The following ARHGEF10L variants were observed in gnomAD, a reference collection of about 807,000 sequenced individuals.
ARHGEF10L encodes Rho guanine nucleotide exchange factor 10 like.
ARHGEF10L carries 69 observed loss-of-function variants against 141.2 expected under a neutral mutation model. The ratio of observed to expected loss-of-function variants is 0.49; its 90% confidence interval spans 0.40 to 0.60. ARHGEF10L has a LOEUF of 0.60. Among genes scored for constraint, ARHGEF10L ranks in the 20% least tolerant of loss-of-function variants. The probability of loss-of-function intolerance (pLI) is 0.00; values close to 1 mark genes in which losing one functional copy is unlikely to be tolerated. For synonymous variants in ARHGEF10L, 711 were observed against 718.5 expected, an observed-to-expected ratio of 0.99 and a Z score of 0.17; for missense variants, 1,482 against 1,734.3, an observed-to-expected ratio of 0.85 and a Z score of 2.58.
intron 1 of ARHGEF10L, among the ~76,000 whole-genome samples, chr1:17,570,553 C>T (rs2077953698): frequency 6.6e-6 from 1 of 151,772 alleles, no homozygotes; most frequent in South Asian, 2.1e-4. Context: ...GTTGTGGGGG[C>T]TCTGACACGT....
In ARHGEF10L at chr1:17,635,024, C is replaced by T. The variant is rs1312226361; in HGVS notation, c.1927+8C>T. 3 of 1,613,638 alleles carry T rather than the reference C, an allele frequency of 1.9e-6. No individual in the cohort carries two copies. In the African/African-American group the frequency reaches 4.0e-5, roughly 22 times the overall value. The stretch of plus-strand genomic sequence containing the variant: ...CCTCAGGGCAGGCTCAGAGTGAGTA[C>T]CCCCTCTCTGTGCCCTGCGTTCGTC... On this transcript the variant is annotated splice_region_variant and intron_variant, in intron 18 of 28. Coordinates refer to ENST00000361221, the MANE Select transcript of ARHGEF10L (RefSeq NM_018125.4).
Position 17,656,233 on chromosome 1 carries a change from G to A in ARHGEF10L, c.2705+131G>A. ...TCTGCCCCTGGTCTCCAGGAAGGTGGGCACCAGAGCTGCCCAGTGTGGGAG... is the reference window on the plus strand; with the variant it reads ...TCTGCCCCTGGTCTCCAGGAAGGTGAGCACCAGAGCTGCCCAGTGTGGGAG... On this transcript the variant is annotated intron_variant, in intron 24 of 28. Transcript: ENST00000361221. The surrounding 1 kb of genome is among the most constrained non-coding windows in gnomAD (Gnocchi z 4.9). 8.5e-7 allele frequency: 1 copy of A among 1,175,066 alleles called. No individual in the cohort carries two copies. The highest frequency in any genetic ancestry group is 1.2e-6 in the Non-Finnish European group (1 of 838,248). 72.8% of individuals were successfully genotyped at this position (1,175,066 alleles called of 1,614,324 possible).
intron 8 of ARHGEF10L, among the ~76,000 whole-genome samples, chr1:17,614,055 T>C (rs1296706415): frequency 2.0e-5 from 3 of 152,234 alleles, no homozygotes; most frequent in African/African-American, 7.2e-5. Context: ...AGTAGCTGCC[T>C]TTCTGCATCT....
rs1328109742 is a variant in ARHGEF10L, at chr1:17,634,999, C to T, written c.1910C>T (p.Ala637Val). 1.9e-6 allele frequency: 3 copies of T among 1,613,972 alleles called. No homozygotes were observed. Among genetic ancestry groups the T allele is most frequent in the African/African-American group, 2.7e-5 (2 of 74,918 alleles). Residue 637 changes from alanine to valine, a missense_variant, in exon 18 of 29, where the codon GCC (alanine) becomes GTC (valine). Physicochemically the swap from Ala to Val is moderately conservative, Grantham distance 64 (BLOSUM62 0). This residue lies in a region of ARHGEF10L where 858 missense variants were observed against 966.3 expected (regional missense o/e 0.89). Coordinates refer to ENST00000361221, the MANE Select transcript of ARHGEF10L (RefSeq NM_018125.4). Reference sequence around the variant, plus strand: ...CACTCAGGCGCCAAGAAGGCCTCTGCCTCAGGGCAGGCTCAGAGTGAGTAC... The same window carrying T: ...CACTCAGGCGCCAAGAAGGCCTCTGTCTCAGGGCAGGCTCAGAGTGAGTAC... ...IQHSGAKKASASGQAQNKVYL... is the reference protein window; with the variant it reads ...IQHSGAKKASVSGQAQNKVYL...
At position 17,625,505 on chromosome 1, in the gene ARHGEF10L, A is replaced by G. The variant is rs566273740; in HGVS notation, c.1318-451A>G. 6.6e-6 allele frequency among the ~76,000 whole-genome samples: 1 copy of G among 152,290 alleles called. No homozygotes were observed. The highest frequency in any genetic ancestry group is 1.9e-4 in the East Asian group (1 of 5,184). On this transcript the variant is annotated intron_variant, in intron 13 of 28. Transcript: ENST00000361221. This position sits in a 1 kb window ranked among gnomAD's most constrained non-coding sequence, Gnocchi z 4.5. ...GGTGGAGAAACTGTGGGATTGCAGC[A>G]TATGGGGGCCAGGACCAGGTAACAG...
chr1:17,640,078 A>C, intron 20 of ARHGEF10L, 124 bp from the exon 21 acceptor site: 1 of 1,483,526 alleles, frequency 6.7e-7, no homozygotes, highest in South Asian at 1.4e-5. Flanking sequence ...CGTTTTGGGG[A>C]TGCTCTGACC....
At chr1:17,595,004 C>T (rs1287739437) in intron 4 of ARHGEF10L, among the ~76,000 whole-genome samples, 1 of 152,262 alleles carries the variant, frequency 6.6e-6, no homozygotes. Flanking sequence ...CTCTTCAGTC[C>T]ATCCCTCCTC....
At chr1:17,533,431 A>AAATGCTGAG in the ARHGEF10L span, among the ~76,000 whole-genome samples, 9 of 152,064 alleles carry the variant, frequency 5.9e-5, no homozygotes, top group Admixed American at 3.3e-4. Context: ...TGCCCTCCCA[A>AAATGCTGAG]AATGCTGAGA....
chr1:17,687,555 C>T lies in ARHGEF10L; in HGVS notation c.3010-18C>T. ...GGCAGGCCCAGCCAGTATCGACACT[C>T]CTCCCTTTGTGCCACAGCAAAGCTT... On this transcript the variant is annotated intron_variant, in intron 26 of 28. Transcript: ENST00000361221. The T allele has an allele frequency of 1.2e-6, 2 of 1,612,302 alleles. No homozygotes were observed. Among genetic ancestry groups the T allele is most frequent in the Non-Finnish European group, 1.7e-6 (2 of 1,179,770 alleles).
intron 1 of ARHGEF10L, among the ~76,000 whole-genome samples, chr1:17,546,606 T>A (rs2076924303): frequency 6.6e-6 from 1 of 152,190 alleles, no homozygotes; most frequent in African/African-American, 2.4e-5. Context: ...TTTATGCGGT[T>A]TTCCTTTTCC....
At position 17,584,037 on chromosome 1, in the gene ARHGEF10L, AT is replaced by A. The variant is rs1251517507; in HGVS notation, c.37+3410del. 2.6e-5 allele frequency among the ~76,000 whole-genome samples: 4 copies of A among 151,814 alleles called. No individual in the cohort carries two copies. In the East Asian group the frequency reaches 7.8e-4, roughly 30 times the overall value. On this transcript the variant is annotated intron_variant, in intron 2 of 28. Coordinates refer to ENST00000361221, the MANE Select transcript of ARHGEF10L (RefSeq NM_018125.4). ...CAGCCGATTTTAAAATTATTAAAAA[AT>A]TTTTACTTTTGTTTATTTTTTTTTG...
chr1:17,572,404 C>T (rs547679155), intron 1 of ARHGEF10L, among the ~76,000 whole-genome samples: 1 of 152,300 alleles, frequency 6.6e-6, no homozygotes, highest in East Asian at 1.9e-4. Flanking sequence ...TTCCTGCTGT[C>T]CCTCTGTTGT....
chr1:17,648,868 T>G (rs1441017840), intron 22 of ARHGEF10L, among the ~76,000 whole-genome samples, 193 bp downstream of exon 22: 1 of 152,202 alleles, frequency 6.6e-6, no homozygotes, highest in Non-Finnish European at 1.5e-5. Flanking sequence ...ACCACAAAAA[T>G]GGAGGCGAAC....
chr1:17,570,540 G>T (rs1004786202), intron 1 of ARHGEF10L, among the ~76,000 whole-genome samples: 1 of 151,964 alleles, frequency 6.6e-6, no homozygotes, highest in Non-Finnish European at 1.5e-5. Flanking sequence ...TGAAGTCGGG[G>T]GGGTTGTGGG....
At chr1:17,557,033 TAAAAAAAAAA>T (rs370811589) in intron 1 of ARHGEF10L, among the ~76,000 whole-genome samples, 4 of 119,082 alleles carry the variant, frequency 3.4e-5, no homozygotes, top group Non-Finnish European at 5.3e-5. Context: ...CTCCATCTCT[TAAAAAAAAAA>T]AAAAAAAAAG....
chr1:17,571,291 C>T (rs2077988417), intron 1 of ARHGEF10L, among the ~76,000 whole-genome samples: 1 of 152,088 alleles, frequency 6.6e-6, no homozygotes, highest in African/African-American at 2.4e-5. Context: ...CTCCTCTCTC[C>T]CCATCCTGGT....
At chr1:17,593,343 A>G (rs1260293797) in intron 4 of ARHGEF10L, among the ~76,000 whole-genome samples, 2 of 152,050 alleles carry the variant, frequency 1.3e-5, no homozygotes, top group African/African-American at 4.8e-5. Flanking sequence ...CCCCTTGGAG[A>G]TTTCCGTGTC....
intron 20 of ARHGEF10L, 29 bp downstream of exon 20, chr1:17,638,718 C>T: frequency 6.2e-7 from 1 of 1,611,734 alleles, no homozygotes; most frequent in East Asian, 2.2e-5. Context: ...GGAGGGAGGG[C>T]TGCTGCCTCT....
At chr1:17,596,218 A>C (rs1329991301) in intron 4 of ARHGEF10L, among the ~76,000 whole-genome samples, 1 of 152,244 alleles carries the variant, frequency 6.6e-6, no homozygotes, top group African/African-American at 2.4e-5. Flanking sequence ...ATGCTCTCTA[A>C]GGTCCTCAGC....
Sources: gnomAD v4.1 joint callset for allele counts (sites outside exome capture counted in the v4.1 genomes callset) on GRCh38, gnomAD v4.1.1 for gene constraint, gnomAD v4.1.1 regional missense constraint, Gnocchi (gnomAD v3.1) non-coding constraint, MANE v1.5 for transcripts, NCBI Gene and HGNC (gene_info 2026-07-23, HGNC 2026-07-21) for gene names.